GRIP1: variants seen among roughly 807,000 people sequenced by gnomAD.
GRIP1 encodes the protein glutamate receptor-interacting protein 1.
In GRIP1, 45 loss-of-function variants were observed where a neutral mutation model predicts 129.9. The ratio of observed to expected loss-of-function variants is 0.35; its 90% CI spans 0.27 to 0.44. GRIP1 has a LOEUF of 0.44. GRIP1 is among the 20% of genes least tolerant of loss of function. The probability of loss-of-function intolerance (pLI) is 1.00; values close to 1 mark genes in which losing one functional copy is unlikely to be tolerated. For synonymous variants in GRIP1, 530 were observed against 520.8 expected (o/e 1.02, Z -0.24); for missense variants, 1,196 against 1,396.8 (o/e 0.86, Z 2.29).
At chr12:66,897,737 G>A (rs773381175) in intron 1 of GRIP1, among the ~76,000 whole-genome samples, 2 of 152,146 alleles carry the variant, frequency 1.3e-5, no homozygotes, top group Non-Finnish European at 1.5e-5. Context: ...GTTTAGACCA[G>A]TGATTTCTTT....
intron 23 of GRIP1, among the ~76,000 whole-genome samples, chr12:66,364,180 C>T (rs1183245949): frequency 2.8e-5 from 4 of 142,092 alleles, no homozygotes; most frequent in South Asian, 2.3e-4. Context: ...GCAGGAGAAT[C>T]GCTTGAACCC....
intron 7 of GRIP1, among the ~76,000 whole-genome samples, chr12:66,476,179 G>A (rs1484115339): frequency 2.0e-5 from 3 of 151,914 alleles, no homozygotes; most frequent in Non-Finnish European, 1.5e-5. Flanking sequence ...AATGATAAAG[G>A]GGATATCACC....
intron 1 of GRIP1, among the ~76,000 whole-genome samples, chr12:67,018,378 G>A (rs1049701707): frequency 3.9e-5 from 6 of 152,084 alleles, no homozygotes; most frequent in Non-Finnish European, 1.5e-5. Context: ...TCACCCTCTC[G>A]CACATGCACC....
At chr12:66,421,072 CAA>C (rs1432951894) in intron 14 of GRIP1, among the ~76,000 whole-genome samples, 3 of 152,158 alleles carry the variant, frequency 2.0e-5, no homozygotes, top group Non-Finnish European at 4.4e-5. Flanking sequence ...AAGCAATTCT[CAA>C]GAGAGGACCT....
intron 1 of GRIP1, among the ~76,000 whole-genome samples, chr12:67,008,321 A>T (rs951961226): frequency 1.3e-5 from 2 of 152,210 alleles, no homozygotes; most frequent in African/African-American, 4.8e-5. Context: ...TGGGGAAAAA[A>T]ATGTGGAGTT....
chr12:66,605,319 G>A (rs770643461), intron 1 of GRIP1, among the ~76,000 whole-genome samples: 6 of 152,020 alleles, frequency 3.9e-5, no homozygotes, highest in Non-Finnish European at 5.9e-5. Flanking sequence ...AATGTAAACC[G>A]TAGAGAAAAA....
intron 14 of GRIP1, among the ~76,000 whole-genome samples, chr12:66,431,398 C>G (rs2058143324): frequency 1.3e-5 from 2 of 152,168 alleles, no homozygotes; most frequent in African/African-American, 2.4e-5. Flanking sequence ...GCTTCTTGCT[C>G]TTAATATTTA....
chr12:66,361,913 G>A (rs1455430917), intron 23 of GRIP1, among the ~76,000 whole-genome samples: 1 of 152,088 alleles, frequency 6.6e-6, no homozygotes, highest in Non-Finnish European at 1.5e-5. Flanking sequence ...CCCACCCTCG[G>A]GGCCTGTGGG....
intron 2 of GRIP1, among the ~76,000 whole-genome samples, chr12:66,574,891 C>T (rs902573153): frequency 6.6e-6 from 1 of 151,194 alleles, no homozygotes; most frequent in African/African-American, 2.4e-5. Flanking sequence ...TCTTATGCCT[C>T]ATCTTCCTGG....
intron 7 of GRIP1, among the ~76,000 whole-genome samples, chr12:66,470,472 G>A (rs1332986481): frequency 2.0e-5 from 3 of 150,170 alleles, no homozygotes; most frequent in Non-Finnish European, 4.4e-5. Context: ...CTGCTCAAAT[G>A]TCACATCCTC....
At chr12:66,805,707 A>C (rs2038975973), upstream of GRIP1, among the ~76,000 whole-genome samples, 1 of 152,170 alleles carries the variant, frequency 6.6e-6, no homozygotes, top group Non-Finnish European at 1.5e-5. Flanking sequence ...CTATTTTCAG[A>C]TATAAATTGA....
rs188724566 is a variant in GRIP1 at position 66,504,620 on chromosome 12, T to C, written c.724+10999A>G. Among the ~76,000 whole-genome samples, 5 of 152,242 alleles carry C rather than the reference T, an allele frequency of 3.3e-5. No individual in the cohort carries two copies. In the East Asian group the frequency reaches 9.6e-4, roughly 29 times the overall value. On this transcript the variant is annotated intron_variant, in intron 7 of 24. Coordinates refer to ENST00000359742, the MANE Select transcript of GRIP1 (RefSeq NM_001366722.1). ...CTTCAAACTGCAAAATCCTTCTCAA[T>C]GCAGTATTTCAGATGGCCACCACCA...
intron 1 of GRIP1, among the ~76,000 whole-genome samples, chr12:66,908,470 C>A (rs2040973047): frequency 6.6e-6 from 1 of 152,186 alleles, no homozygotes; most frequent in Admixed American, 6.5e-5. Flanking sequence ...TGGCCCTTAA[C>A]AGGTTAGCTG....
chr12:66,992,978 G>T (rs1235958025), intron 1 of GRIP1, among the ~76,000 whole-genome samples: 1 of 152,090 alleles, frequency 6.6e-6, no homozygotes, highest in Non-Finnish European at 1.5e-5. Flanking sequence ...GCAGGGTGTG[G>T]TGGCATGCAC....
intron 1 of GRIP1, among the ~76,000 whole-genome samples, chr12:66,688,920 T>C (rs781673557): frequency 1.5e-4 from 23 of 152,140 alleles, no homozygotes; most frequent in Non-Finnish European, 3.2e-4. Context: ...AAGGACATTC[T>C]TCACTGGGTC....
chr12:66,737,698 T>C (rs2036651019), intron 1 of GRIP1, among the ~76,000 whole-genome samples: 1 of 152,198 alleles, frequency 6.6e-6, no homozygotes, highest in African/African-American at 2.4e-5. Flanking sequence ...CCACATCACT[T>C]CACTGTATCT....
intron 1 of GRIP1, among the ~76,000 whole-genome samples, chr12:66,677,989 GT>G (rs988118248): frequency 4.0e-5 from 6 of 151,486 alleles, no homozygotes; most frequent in Non-Finnish European, 5.9e-5. Flanking sequence ...TCAGAATGAA[GT>G]TTTTTTTTAA....
At chr12:67,033,271 G>GTATA (rs3051221) in intron 1 of GRIP1, among the ~76,000 whole-genome samples, 2,661 of 142,978 alleles carry the variant, frequency 0.019, 54 homozygotes, top group African/African-American at 0.054. Context: ...AAGACTACAT[G>GTATA]TATATATATA....
At chr12:67,012,255 T>C (rs2042719839) in intron 1 of GRIP1, among the ~76,000 whole-genome samples, 2 of 151,892 alleles carry the variant, frequency 1.3e-5, no homozygotes, top group Admixed American at 6.6e-5. Flanking sequence ...ATGATACAGG[T>C]CAGTTAAAAT....
Sources: gnomAD v4.1 joint callset for allele counts (sites outside exome capture counted in the v4.1 genomes callset) on GRCh38, gnomAD v4.1.1 for gene constraint, MANE v1.5 for transcripts, NCBI Gene and HGNC (gene_info 2026-07-23, HGNC 2026-07-21) for gene names.